GPHN: variants seen among roughly 807,000 people sequenced by gnomAD.
GPHN encodes gephyrin.
GPHN carries 17 observed loss-of-function variants against 95.5 expected under a neutral mutation model. The observed-to-expected ratio is 0.18, with a 90% CI of 0.12 to 0.27. The LOEUF (loss-of-function observed/expected upper bound fraction) is 0.27. Among genes scored for constraint, GPHN ranks in the 10% least tolerant of loss-of-function variants. GPHN has a pLI of 1.00. For synonymous variants in GPHN, 320 were observed against 322.5 expected (o/e 0.99, Z 0.08); for missense variants, 660 against 978.1 (o/e 0.67, Z 4.34).
At chr14:67,355,654 T>C in the GPHN span, among the ~76,000 whole-genome samples, 2 of 151,848 alleles carry the variant, frequency 1.3e-5, no homozygotes, top group African/African-American at 4.8e-5. Context: ...GGAAAGAGTA[T>C]TTCAGGCAGG....
intron 1 of GPHN, among the ~76,000 whole-genome samples, chr14:66,557,373 G>A (rs1169740856): frequency 6.6e-6 from 1 of 151,994 alleles, no homozygotes; most frequent in East Asian, 1.9e-4. Flanking sequence ...TAATGGAGGG[G>A]AACTTATAAT....
intron 3 of GPHN, among the ~76,000 whole-genome samples, chr14:66,803,416 G>A (rs1386305382): frequency 6.6e-6 from 1 of 152,186 alleles, no homozygotes; most frequent in African/African-American, 2.4e-5. Context: ...GTTTTACGAA[G>A]GTACTTTTTT....
chr14:67,211,817 C>A, the GPHN span, among the ~76,000 whole-genome samples: 1 of 152,024 alleles, frequency 6.6e-6, no homozygotes. Flanking sequence ...GCACTCCAGC[C>A]CGGGTGATGG....
At chr14:66,909,744 A>G (rs752420206) in intron 5 of GPHN, among the ~76,000 whole-genome samples, 1 of 152,014 alleles carries the variant, frequency 6.6e-6, no homozygotes, top group Non-Finnish European at 1.5e-5. Context: ...ACAGAGTCCA[A>G]GTATACTTCT....
At chr14:67,326,940 C>T in the GPHN span, among the ~76,000 whole-genome samples, 6 of 152,092 alleles carry the variant, frequency 3.9e-5, no homozygotes, top group Non-Finnish European at 5.9e-5. Context: ...TTTGGGAGGC[C>T]GAGGCGGGCA....
At chr14:67,696,311 T>C in the GPHN span, among the ~76,000 whole-genome samples, 1 of 152,166 alleles carries the variant, frequency 6.6e-6, no homozygotes, top group Non-Finnish European at 1.5e-5. Context: ...GCACTGTTTC[T>C]CCTGGAGATC....
the GPHN span, among the ~76,000 whole-genome samples, chr14:67,725,617 G>A: frequency 8.5e-5 from 13 of 152,182 alleles, no homozygotes; most frequent in African/African-American, 2.9e-4. Flanking sequence ...TCTGGATCTT[G>A]GAAAATGACC....
intron 4 of GPHN, among the ~76,000 whole-genome samples, chr14:66,870,813 G>A (rs2063404826): frequency 6.6e-6 from 1 of 152,222 alleles, no homozygotes; most frequent in African/African-American, 2.4e-5. Context: ...ATACTTGAAA[G>A]GAAATTTCTC....
the GPHN span, among the ~76,000 whole-genome samples, chr14:67,378,921 GT>G: frequency 1.3e-5 from 2 of 151,970 alleles, no homozygotes; most frequent in African/African-American, 4.8e-5. Context: ...TGTTTTTATT[GT>G]TTTACTACAT....
the GPHN span, among the ~76,000 whole-genome samples, chr14:67,611,426 TGG>T: frequency 0.03 from 4,558 of 151,308 alleles, 218 homozygotes; most frequent in African/African-American, 0.1. Context: ...GCTAATTTTT[TGG>T]TTTTTTTTTT....
the GPHN span, among the ~76,000 whole-genome samples, chr14:67,555,453 G>A: frequency 9.9e-4 from 151 of 152,224 alleles, no homozygotes; most frequent in African/African-American, 3.3e-3. Context: ...CCCCACCTTC[G>A]ACCCAATGCT....
At chr14:67,501,239 A>G in the GPHN span, among the ~76,000 whole-genome samples, 1 of 152,138 alleles carries the variant, frequency 6.6e-6, no homozygotes, top group East Asian at 1.9e-4. Flanking sequence ...CAGTGGAGTT[A>G]GGAGAAACGG....
At chr14:66,649,316 A>G (rs933199169) in intron 1 of GPHN, among the ~76,000 whole-genome samples, 1 of 151,928 alleles carries the variant, frequency 6.6e-6, no homozygotes, top group Non-Finnish European at 1.5e-5. Context: ...CCTGAGCAAC[A>G]GAGTGAGACT....
intron 10 of GPHN, among the ~76,000 whole-genome samples, chr14:67,031,164 C>G (rs2074179270): frequency 6.6e-6 from 1 of 152,082 alleles, no homozygotes; most frequent in South Asian, 2.1e-4. Flanking sequence ...GTAAGTCAGA[C>G]TTTTCAGTCT....
chr14:66,513,409 C>T (rs560533899), intron 1 of GPHN, among the ~76,000 whole-genome samples: 21 of 151,730 alleles, frequency 1.4e-4, no homozygotes, highest in African/African-American at 4.3e-4. Context: ...GAGGAAGTGA[C>T]GAATAAGAGT....
At chr14:67,487,421 C>A in the GPHN span, among the ~76,000 whole-genome samples, 1 of 152,144 alleles carries the variant, frequency 6.6e-6, no homozygotes, top group Non-Finnish European at 1.5e-5. Flanking sequence ...GGGCTTCTTG[C>A]CTAAATGTGT....
At chr14:66,939,388 C>A (rs756067994) in intron 8 of GPHN, among the ~76,000 whole-genome samples, 28 of 151,936 alleles carry the variant, frequency 1.8e-4, no homozygotes, top group Non-Finnish European at 3.5e-4. Context: ...AAAACAGGTT[C>A]TTGTCACAAG....
At chr14:67,020,693 G>A (rs1013597212) in intron 9 of GPHN, among the ~76,000 whole-genome samples, 1 of 152,016 alleles carries the variant, frequency 6.6e-6, no homozygotes, top group African/African-American at 2.4e-5. Context: ...AATATAATAT[G>A]CTGTTCCTAC....
chr14:66,538,087 C>T (rs889482834), intron 1 of GPHN, among the ~76,000 whole-genome samples: 1 of 152,208 alleles, frequency 6.6e-6, no homozygotes, highest in East Asian at 1.9e-4. Context: ...CTGCCTCAGC[C>T]TCCCAAAGTG....
Sources: allele counts gnomAD v4.1 joint callset (sites outside exome capture counted in the v4.1 genomes callset), GRCh38; gene constraint gnomAD v4.1.1; transcripts MANE v1.5; gene names NCBI Gene and HGNC (gene_info 2026-07-23, HGNC 2026-07-21).